Variants in NOMO3 observed in about 807,000 individuals in gnomAD.
NOMO3 encodes BOS complex subunit NOMO3.
NOMO3 carries 15 observed loss-of-function variants against 69.9 expected under a neutral mutation model. That is an observed-to-expected ratio of 0.21 (90% CI 0.14 to 0.33). The LOEUF (loss-of-function observed/expected upper bound fraction) is 0.33, where lower values mean the gene tolerates loss of function less well. Among genes scored for constraint, NOMO3 ranks in the 10% least tolerant of loss-of-function variants. The pLI is 1.00. For missense variants in NOMO3, 218 were observed against 761.0 expected (o/e 0.29, Z 8.39); for synonymous variants, 89 against 301.9 (o/e 0.29, Z 7.31).
chr16:16,263,834 G>A (rs373369), intron 14 of NOMO3, among the ~76,000 whole-genome samples, 190 bp downstream of exon 14: 4,143 of 37,786 alleles, frequency 0.11, 499 homozygotes, highest in Non-Finnish European at 0.15. Flanking sequence ...TGAGCTGACC[G>A]CCACCTTGTC....
chr16:16,269,469 G>A (rs1391714723), intron 16 of NOMO3, among the ~76,000 whole-genome samples: 1 of 139,434 alleles, frequency 7.2e-6, no homozygotes, highest in Non-Finnish European at 1.5e-5. Context: ...CTACTCTGGG[G>A]CTTGTTGAGT....
At chr16:16,234,946 T>C (rs1197882747) in intron 1 of NOMO3, among the ~76,000 whole-genome samples, 1 of 152,144 alleles carries the variant, frequency 6.6e-6, no homozygotes, top group Non-Finnish European at 1.5e-5. Context: ...GCTTGGGTTT[T>C]GTAGTGATCT....
chr16:16,274,272 T>C (rs2049679557), intron 20 of NOMO3, among the ~76,000 whole-genome samples, 197 bp downstream of exon 20: 1 of 125,592 alleles, frequency 8.0e-6, no homozygotes, highest in Admixed American at 8.2e-5. Context: ...GATGGATGGA[T>C]GGATGGATGG....
chr16:16,263,581 C>T lies in NOMO3; in HGVS notation c.1606C>T (p.Leu536Phe). 1 of 855,730 alleles carries T rather than the reference C, an allele frequency of 1.2e-6. No individual in the cohort carries two copies. 53.0% of individuals were successfully genotyped at this position (855,730 alleles called of 1,614,324 possible). Residue 536 changes from leucine to phenylalanine, a missense_variant, in exon 14 of 31, where the codon CTC becomes TTC. Leu to Phe is a conservative substitution (Grantham distance 22). Coordinates refer to ENST00000399336, the MANE Select transcript of NOMO3 (RefSeq NM_001004067.4). ...CCAGGGTGAGAAGCGGAGCCTCCAG[C>T]TCTCCGGCAAGGTCAACGCCATGAC... ...SRQGEKRSLQ[L>F]SGKVNAMTFT...
intron 4 of NOMO3, among the ~76,000 whole-genome samples, chr16:16,243,973 C>T (rs2049395240): frequency 6.9e-6 from 1 of 144,368 alleles, no homozygotes; most frequent in African/African-American, 2.8e-5. Flanking sequence ...CTGACACTTA[C>T]GTAGGAGGAT....
chr16:16,262,976 C>G (rs2049576969), intron 12 of NOMO3, 98 bp from the exon 13 acceptor site: 1 of 1,536,808 alleles, frequency 6.5e-7, no homozygotes, highest in Non-Finnish European at 8.7e-7. Context: ...TTCAAAATCT[C>G]TTTAGCCTTG....
At chr16:16,242,761 T>C (rs1185464011) in intron 3 of NOMO3, among the ~76,000 whole-genome samples, 1 of 143,652 alleles carries the variant, frequency 7.0e-6, no homozygotes, top group East Asian at 2.3e-4. Flanking sequence ...TATTACTGCC[T>C]GTCTCTTAAG....
At chr16:16,262,707 A>AG (rs2141258524) in intron 12 of NOMO3, among the ~76,000 whole-genome samples, 1 of 137,816 alleles carries the variant, frequency 7.3e-6, no homozygotes. Flanking sequence ...TCATCCACAT[A>AG]GTGTTGACAG....
chr16:16,270,333 A>G, intron 17 of NOMO3, 149 bp downstream of exon 17: 1 of 667,100 alleles, frequency 1.5e-6, no homozygotes, highest in Non-Finnish European at 2.4e-6. Flanking sequence ...TAAGGATTTT[A>G]AGACACTTGG....
Position 16,266,654 on chromosome 16 carries a change from C to A in NOMO3, c.1807-390C>A, listed in dbSNP as rs371044502. 3.5e-3 allele frequency: 1,420 copies of A among 405,962 alleles called. 42 individuals carry two copies. The highest frequency in any genetic ancestry group is 9.5e-3 in the Middle Eastern group (12 of 1,260). 25.1% of individuals were successfully genotyped at this position (405,962 alleles called of 1,614,324 possible). On this transcript the variant is annotated intron_variant, in intron 15 of 30. Coordinates refer to ENST00000399336, the MANE Select transcript of NOMO3 (RefSeq NM_001004067.4). Reference sequence around the variant, plus strand: ...TGGGACCAGCGAGCTAAAGACCCCTCGGTGGGGATTGTTCTTCTCTTGCTT... The same window carrying A: ...TGGGACCAGCGAGCTAAAGACCCCTAGGTGGGGATTGTTCTTCTCTTGCTT...
In NOMO3 at chr16:16,266,134, T is replaced by G. The variant is rs1192886053; in HGVS notation, c.1807-910T>G. ...CCTCTGTAGATCCCTTCGTGAATTT[T>G]CTATAATGTTTTGATGTCGAGCGGC... On this transcript the variant is annotated intron_variant, in intron 15 of 30. Transcript: ENST00000399336. Among the ~76,000 whole-genome samples, 3 of 140,258 alleles carry G rather than the reference T, an allele frequency of 2.1e-5. 1 individual carries two copies. The highest frequency in any genetic ancestry group is 9.1e-5 in the African/African-American group (3 of 32,850). 92.0% of individuals were successfully genotyped at this position (140,258 alleles called of 152,430 possible).
intron 6 of NOMO3, among the ~76,000 whole-genome samples, chr16:16,248,747 T>C (rs1481706422): frequency 6.6e-6 from 1 of 151,544 alleles, no homozygotes; most frequent in African/African-American, 2.4e-5. Context: ...TTTGTATTTT[T>C]AGTAGGGACA....
chr16:16,235,061 C>A (rs1238336831), intron 1 of NOMO3, among the ~76,000 whole-genome samples: 2 of 151,744 alleles, frequency 1.3e-5, no homozygotes, highest in African/African-American at 2.4e-5. Flanking sequence ...CTCTTTGTCA[C>A]CTGTAGCAAA....
intron 1 of NOMO3, among the ~76,000 whole-genome samples, chr16:16,235,260 C>G (rs1407625738): frequency 6.6e-6 from 1 of 150,984 alleles, no homozygotes; most frequent in Non-Finnish European, 1.5e-5. Flanking sequence ...TCGACTGTTT[C>G]ATAGCGGCTC....
chr16:16,267,535 G>A lies in NOMO3; in HGVS notation c.1894+404G>A, dbSNP rs1461160290. On this transcript the variant is annotated intron_variant, in intron 16 of 30. Transcript: ENST00000399336. ...CTGCAGCCTCCGCCTCCTGGGTTCA[G>A]GCGATTCCCCTGCCTCAGCCTCTCG... 3.5e-3 allele frequency among the ~76,000 whole-genome samples: 494 copies of A among 142,830 alleles called. 15 individuals are homozygous for A. The highest frequency in any genetic ancestry group is 8.4e-3 in the African/African-American group (288 of 34,418). 93.7% of individuals were successfully genotyped at this position (142,830 alleles called of 152,430 possible). A position where few individuals can be genotyped will look rare whatever the true frequency, so the allele number is the denominator to read the frequency against.
chr16:16,263,398 C>G, intron 13 of NOMO3, 115 bp from the exon 14 acceptor site: 2 of 1,535,212 alleles, frequency 1.3e-6, no homozygotes, highest in Non-Finnish European at 1.7e-6. Flanking sequence ...TGCCTCCGGC[C>G]ACTGCCTCTT....
In NOMO3 at chr16:16,234,581, C is replaced by T. The variant is rs1410021299; in HGVS notation, c.165+1750C>T. Among the ~76,000 whole-genome samples the T allele has an allele frequency of 4.9e-5, 7 of 141,744 alleles. No homozygotes were observed. In the South Asian group the frequency reaches 6.6e-4, roughly 13 times the overall value. The allele number at this position is 141,744 out of a possible 152,430, so 93.0% of individuals were successfully genotyped here. A position where few individuals can be genotyped will look rare whatever the true frequency, so the allele number is the denominator to read the frequency against. On this transcript the variant is annotated intron_variant, in intron 1 of 30. Transcript: ENST00000399336. Reference sequence around the variant, plus strand: ...ATGTAGAAACAATCATGATATTTCACGGTTATTTCTTGATTGTGTTTTTTG... The same window carrying T: ...ATGTAGAAACAATCATGATATTTCATGGTTATTTCTTGATTGTGTTTTTTG...
At chr16:16,237,769 C>T (rs1466231593) in intron 2 of NOMO3, among the ~76,000 whole-genome samples, 2 of 144,012 alleles carry the variant, frequency 1.4e-5, no homozygotes, top group Admixed American at 6.8e-5. Flanking sequence ...AGGCTGGTCT[C>T]GAACTCCTGA....
In NOMO3 at chr16:16,243,111, C is replaced by G. The variant is rs1379014504; in HGVS notation, c.302-50C>G. 2.6e-5 allele frequency: 19 copies of G among 720,424 alleles called. No individual in the cohort carries two copies. The South Asian group carries it at 4.1e-4, about 15-fold the overall frequency. The allele number at this position is 720,424 out of a possible 1,614,324, so 44.6% of individuals were successfully genotyped here. ...AGGTTCACTGTACCCCAAAACTAAG[C>G]TTGCCTTTGTGTCTTGTGCCCCGGT... is the stretch of plus-strand genomic sequence containing the variant. On this transcript the variant is annotated intron_variant, in intron 3 of 30. Coordinates refer to ENST00000399336, the MANE Select transcript of NOMO3 (RefSeq NM_001004067.4).
Sources: gnomAD v4.1 joint callset for allele counts (sites outside exome capture counted in the v4.1 genomes callset) on GRCh38, gnomAD v4.1.1 for gene constraint, MANE v1.5 for transcripts, NCBI Gene and HGNC (gene_info 2026-07-23, HGNC 2026-07-21) for gene names.